The following PTPRT variants were observed in gnomAD, a reference collection of about 807,000 sequenced individuals.
PTPRT encodes receptor-type tyrosine-protein phosphatase T.
Under a neutral mutation model 176.8 loss-of-function variants are expected in PTPRT, and 56 were observed. The observed-to-expected ratio is 0.32, with a 90% CI of 0.26 to 0.40. The LOEUF (loss-of-function observed/expected upper bound fraction) is 0.40, where lower values mean the gene tolerates loss of function less well. Among genes scored for constraint, PTPRT ranks in the 10% least tolerant of loss-of-function variants. The pLI is 1.00. For synonymous variants in PTPRT, 783 were observed against 739.0 expected (o/e 1.06, Z -0.96); for missense variants, 1,540 against 1,908.2 (o/e 0.81, Z 3.60).
At position 43,160,771 on chromosome 20, in the gene PTPRT, T is replaced by C. The variant is rs576473884; in HGVS notation, c.88+28875A>G. ...AATAGTGGTTAACATTGAGGTGAAATGAGGGGTAACACCCAGGAAGGTGCC... is the reference window on the plus strand; with the variant it reads ...AATAGTGGTTAACATTGAGGTGAAACGAGGGGTAACACCCAGGAAGGTGCC... On this transcript the variant is annotated intron_variant, in intron 1 of 30. Coordinates refer to ENST00000373187, the MANE Select transcript of PTPRT (RefSeq NM_007050.6). Among the ~76,000 whole-genome samples the C allele has an allele frequency of 6.6e-5, 10 of 152,240 alleles. No homozygotes were observed. The East Asian group carries it at 1.9e-3, about 29-fold the overall frequency.
intron 7 of PTPRT, among the ~76,000 whole-genome samples, chr20:42,643,403 C>T (rs1004967294): frequency 6.6e-6 from 1 of 152,108 alleles, no homozygotes; most frequent in Non-Finnish European, 1.5e-5. Context: ...TCACTGCAGC[C>T]TCAACCTCCC....
At chr20:43,125,108 G>A (rs952371264) in intron 1 of PTPRT, among the ~76,000 whole-genome samples, 1 of 150,466 alleles carries the variant, frequency 6.6e-6, no homozygotes, top group Non-Finnish European at 1.5e-5. Flanking sequence ...CTATTCTCCT[G>A]CCCCAACCTC....
chr20:42,590,927 C>CGTGTGTGTGTGTGTGT (rs11468131), intron 7 of PTPRT, among the ~76,000 whole-genome samples: 1 of 130,996 alleles, frequency 7.6e-6, no homozygotes, highest in Admixed American at 7.8e-5. Flanking sequence ...AGAGATTTAG[C>CGTGTGTGTGTGTGTGT]GTGTGTGTGT....
intron 15 of PTPRT, among the ~76,000 whole-genome samples, chr20:42,222,562 C>G (rs1283911083): frequency 6.6e-6 from 1 of 152,096 alleles, no homozygotes; most frequent in African/African-American, 2.4e-5. Flanking sequence ...ACCTCATACC[C>G]AGGGGGAGGA....
chr20:42,117,935 A>G (rs1451375016), intron 21 of PTPRT, among the ~76,000 whole-genome samples: 1 of 152,208 alleles, frequency 6.6e-6, no homozygotes, highest in Non-Finnish European at 1.5e-5. Flanking sequence ...TATTGAGTAG[A>G]ATCTGTGATC....
chr20:42,396,980 C>T (rs182191467), intron 9 of PTPRT, among the ~76,000 whole-genome samples: 30 of 152,294 alleles, frequency 2.0e-4, no homozygotes, highest in African/African-American at 6.7e-4. Flanking sequence ...ATAAAATGTC[C>T]CTCCCACACA....
chr20:42,227,600 G>GTTT (rs10854224), intron 15 of PTPRT, among the ~76,000 whole-genome samples: 5 of 61,882 alleles, frequency 8.1e-5, no homozygotes, highest in Admixed American at 2.5e-4. Context: ...GTCCCTCATT[G>GTTT]TTTTTTTTTT....
chr20:42,487,839 A>G (rs2071490257), intron 7 of PTPRT, among the ~76,000 whole-genome samples: 1 of 152,192 alleles, frequency 6.6e-6, no homozygotes, highest in African/African-American at 2.4e-5. Flanking sequence ...CAAACCTCAA[A>G]GATTGCTCTG....
chr20:42,387,542 T>C (rs2145656269), intron 9 of PTPRT, among the ~76,000 whole-genome samples: 1 of 152,350 alleles, frequency 6.6e-6, no homozygotes, highest in East Asian at 1.9e-4. Flanking sequence ...TTTTGTGTTA[T>C]TATTTGAAAA....
the PTPRT span, among the ~76,000 whole-genome samples, chr20:42,048,565 T>G: frequency 6.6e-6 from 1 of 152,170 alleles, no homozygotes. Flanking sequence ...AGAGTCTGCA[T>G]GTAGGTGTTC....
intron 7 of PTPRT, among the ~76,000 whole-genome samples, chr20:42,593,129 T>C (rs1480615914): frequency 6.6e-6 from 1 of 152,158 alleles, no homozygotes; most frequent in Non-Finnish European, 1.5e-5. Flanking sequence ...TCATGAGCCT[T>C]TGCATGACTT....
At chr20:42,494,876 A>G (rs1311630409) in intron 7 of PTPRT, among the ~76,000 whole-genome samples, 1 of 152,176 alleles carries the variant, frequency 6.6e-6, no homozygotes, top group Non-Finnish European at 1.5e-5. Context: ...ATTTTCTATA[A>G]TGAACAAATG....
chr20:43,021,944 C>T (rs1463856324), intron 1 of PTPRT, among the ~76,000 whole-genome samples: 1 of 152,038 alleles, frequency 6.6e-6, no homozygotes, highest in Non-Finnish European at 1.5e-5. Flanking sequence ...TATCCCTGTT[C>T]CAGCCAGGAC....
intron 9 of PTPRT, among the ~76,000 whole-genome samples, chr20:42,407,663 A>AC (rs1247646385): frequency 2.6e-5 from 4 of 152,222 alleles, no homozygotes; most frequent in Non-Finnish European, 4.4e-5. Flanking sequence ...TGGTTAAGCC[A>AC]ATGCACTTAG....
intron 1 of PTPRT, among the ~76,000 whole-genome samples, chr20:42,891,249 A>C (rs1394634755): frequency 6.6e-6 from 1 of 152,156 alleles, no homozygotes; most frequent in East Asian, 1.9e-4. Context: ...AAACCCAAAA[A>C]ATCTACCCCC....
intron 1 of PTPRT, among the ~76,000 whole-genome samples, chr20:43,098,677 T>G (rs983607781): frequency 2.0e-5 from 3 of 151,816 alleles, no homozygotes; most frequent in African/African-American, 7.3e-5. Context: ...TGTTGGAAAG[T>G]GACCCCATGG....
intron 26 of PTPRT, among the ~76,000 whole-genome samples, chr20:42,100,282 G>T (rs949557336): frequency 6.6e-6 from 1 of 152,206 alleles, no homozygotes; most frequent in Non-Finnish European, 1.5e-5. Flanking sequence ...CCGGGTTTCA[G>T]GGATCAGCCG....
At chr20:42,956,281 C>A (rs1981628766) in intron 1 of PTPRT, among the ~76,000 whole-genome samples, 1 of 152,142 alleles carries the variant, frequency 6.6e-6, no homozygotes, top group South Asian at 2.1e-4. Context: ...GCAATTGGAT[C>A]ATGGGGGTGG....
At chr20:42,487,819 G>A (rs1021635412) in intron 7 of PTPRT, among the ~76,000 whole-genome samples, 4 of 152,158 alleles carry the variant, frequency 2.6e-5, no homozygotes, top group Non-Finnish European at 4.4e-5. Context: ...GCGGCAAGAC[G>A]AAACTAACAC....
Sources: allele counts gnomAD v4.1 joint callset (sites outside exome capture counted in the v4.1 genomes callset), GRCh38; gene constraint gnomAD v4.1.1; transcripts MANE v1.5; gene names NCBI Gene and HGNC (gene_info 2026-07-23, HGNC 2026-07-21).